Variants in OTUD7A observed in about 807,000 individuals in gnomAD.
The protein encoded by OTUD7A is OTU deubiquitinase 7A, also known as OTU domain-containing protein 7A.
In OTUD7A, 12 loss-of-function variants were observed where a neutral mutation model predicts 65.7. The ratio of observed to expected loss-of-function variants is 0.18; its 90% CI spans 0.12 to 0.30. OTUD7A has a LOEUF of 0.30. OTUD7A is among the 10% of genes least tolerant of loss of function. The pLI is 1.00. For synonymous variants in OTUD7A, 641 were observed against 586.3 expected, an observed-to-expected ratio of 1.09 and a Z score of -1.35; for missense variants, 1,148 against 1,304.8, an observed-to-expected ratio of 0.88 and a Z score of 1.85.
intron 1 of OTUD7A, among the ~76,000 whole-genome samples, chr15:31,668,821 A>T (rs1353943268): frequency 4.6e-5 from 7 of 152,096 alleles, no homozygotes; most frequent in Admixed American, 6.5e-5. Context: ...TGTTGTTCAG[A>T]TTCTTTTGTC....
At chr15:31,778,306 G>T (rs1895442973) in intron 1 of OTUD7A, among the ~76,000 whole-genome samples, 1 of 152,152 alleles carries the variant, frequency 6.6e-6, no homozygotes, top group Admixed American at 6.5e-5. Context: ...AAACCATGGA[G>T]AGAGACAACA....
intron 6 of OTUD7A, 93 bp downstream of exon 6, chr15:31,530,614 C>A: frequency 3.3e-6 from 4 of 1,196,162 alleles, no homozygotes; most frequent in Non-Finnish European, 4.7e-6. Flanking sequence ...TTAGTGTATG[C>A]TTTTCCTTCA....
intron 5 of OTUD7A, among the ~76,000 whole-genome samples, chr15:31,535,553 C>T (rs1284599260): frequency 6.6e-6 from 1 of 151,956 alleles, no homozygotes; most frequent in Non-Finnish European, 1.5e-5. Flanking sequence ...GAAATGAAAA[C>T]ATAAGACTCA....
intron 1 of OTUD7A, among the ~76,000 whole-genome samples, chr15:31,699,870 G>A (rs1893173988): frequency 6.6e-6 from 1 of 152,044 alleles, no homozygotes; most frequent in Admixed American, 6.6e-5. Context: ...TGCGCTGTTA[G>A]TGGAAGTGAC....
chr15:31,476,449 CT>C lies in OTUD7A; in HGVS notation c.*6844del. On this transcript the variant is annotated 3_prime_UTR_variant, in exon 13 of 13. Coordinates refer to ENST00000307050, the MANE Select transcript of OTUD7A (RefSeq NM_001382637.1). Reference sequence around the variant, plus strand: ...GGACAGCCCATAGGGCCTGGGAGACCTTCACGGACACCTGCCATGGAGAAAG... The same window carrying C: ...GGACAGCCCATAGGGCCTGGGAGACCTCACGGACACCTGCCATGGAGAAAG... The C allele has an allele frequency of 6.6e-6, 1 of 152,444 alleles. No individual in the cohort carries two copies. The highest frequency in any genetic ancestry group is 1.5e-5 in the Non-Finnish European group (1 of 68,130). 9.4% of individuals were successfully genotyped at this position (152,444 alleles called of 1,614,324 possible). A position where few individuals can be genotyped will look rare whatever the true frequency, so the allele number is the denominator to read the frequency against.
chr15:31,766,564 G>C, intron 1 of OTUD7A: 1 of 1,613,080 alleles, frequency 6.2e-7, no homozygotes, highest in Non-Finnish European at 8.5e-7. Context: ...GTGCTGCCTT[G>C]TCCAACATTT....
At chr15:31,614,566 C>G (rs996250626) in intron 3 of OTUD7A, among the ~76,000 whole-genome samples, 1 of 152,036 alleles carries the variant, frequency 6.6e-6, no homozygotes, top group African/African-American at 2.4e-5. Flanking sequence ...TAAGTAAATA[C>G]ATACATAAAT....
chr15:31,711,096 G>A (rs1473195079), intron 1 of OTUD7A, among the ~76,000 whole-genome samples: 1 of 149,778 alleles, frequency 6.7e-6, no homozygotes, highest in African/African-American at 2.4e-5. Context: ...CCCTTTCTAT[G>A]GTGAATAGCA....
At position 31,537,501 on chromosome 15, in the gene OTUD7A, T is replaced by C. The variant is rs542740294; in HGVS notation, c.551-6693A>G. Among the ~76,000 whole-genome samples the C allele has an allele frequency of 3.9e-5, 6 of 152,244 alleles. No homozygotes were observed. In the South Asian group the frequency reaches 1.2e-3, roughly 32 times the overall value. The stretch of plus-strand genomic sequence containing the variant: ...AAATGAGAAATGCAAGTAAGGGCTT[T>C]AACTGACACTACCACTGGATGGACC... On this transcript the variant is annotated intron_variant, in intron 5 of 12. Transcript: ENST00000307050.
chr15:31,483,868 C>A lies in OTUD7A; in HGVS notation c.2228G>T (p.Arg743Leu). The A allele has an allele frequency of 1.0e-6, 1 of 987,328 alleles. No individual in the cohort carries two copies. Among genetic ancestry groups the A allele is most frequent in the South Asian group, 4.5e-5 (1 of 22,110 alleles). The allele number at this position is 987,328 out of a possible 1,614,324, so 61.2% of individuals were successfully genotyped here. ...GGAGGCCGTGCCGCCCGCCGCCGCC[C>A]GCGCCGCACGCCCTGCCGCGGGCCC... ...SPGPAAGRAA[R>L]AAAGGTASPG... Residue 743 changes from arginine to leucine, a missense_variant, in exon 13 of 13, where the codon CGG (arginine) becomes CTG (leucine). Coordinates refer to ENST00000307050, the MANE Select transcript of OTUD7A (RefSeq NM_001382637.1).
At chr15:31,751,300 C>A (rs1357485103) in intron 1 of OTUD7A, among the ~76,000 whole-genome samples, 2 of 152,042 alleles carry the variant, frequency 1.3e-5, no homozygotes, top group Non-Finnish European at 2.9e-5. Context: ...GAGTGGCCAA[C>A]AAACATATGA....
At chr15:31,609,370 C>T (rs943174499) in intron 3 of OTUD7A, among the ~76,000 whole-genome samples, 1 of 152,138 alleles carries the variant, frequency 6.6e-6, no homozygotes, top group African/African-American at 2.4e-5. Context: ...AACTTGGTGC[C>T]GTTAGCAGGC....
intron 1 of OTUD7A, among the ~76,000 whole-genome samples, chr15:31,828,058 T>C (rs79368501): frequency 0.052 from 7,955 of 152,292 alleles, 430 homozygotes; most frequent in East Asian, 0.32. Flanking sequence ...GGTTAATCTC[T>C]GTGATGGCAT....
intron 5 of OTUD7A, among the ~76,000 whole-genome samples, chr15:31,535,033 T>A (rs1273246824): frequency 6.6e-6 from 1 of 152,222 alleles, no homozygotes; most frequent in Admixed American, 6.5e-5. Context: ...ATGGAGCAAC[T>A]GGAGTTTTCA....
At chr15:31,847,637 A>C (rs947614109) in intron 1 of OTUD7A, among the ~76,000 whole-genome samples, 3 of 152,180 alleles carry the variant, frequency 2.0e-5, no homozygotes, top group Non-Finnish European at 4.4e-5. Flanking sequence ...GTGACCATGA[A>C]AATCACTATT....
chr15:31,615,635 C>T (rs1277518691), intron 3 of OTUD7A, among the ~76,000 whole-genome samples: 1 of 152,200 alleles, frequency 6.6e-6, no homozygotes, highest in Non-Finnish European at 1.5e-5. Context: ...ATCACAAAAT[C>T]CACTTTTTGT....
At chr15:31,542,498 A>C (rs1245089821) in intron 5 of OTUD7A, among the ~76,000 whole-genome samples, 1 of 152,062 alleles carries the variant, frequency 6.6e-6, no homozygotes, top group African/African-American at 2.4e-5. Flanking sequence ...AAAAGATGCA[A>C]GAGAGTTTAT....
At chr15:31,507,833 C>G (rs1267516243) in intron 8 of OTUD7A, among the ~76,000 whole-genome samples, 1 of 152,156 alleles carries the variant, frequency 6.6e-6, no homozygotes, top group African/African-American at 2.4e-5. Flanking sequence ...ATTTTACAAT[C>G]CTCTTGTAAG....
intron 10 of OTUD7A, among the ~76,000 whole-genome samples, chr15:31,496,306 C>T (rs2041383400): frequency 6.6e-6 from 1 of 151,700 alleles, no homozygotes; most frequent in African/African-American, 2.4e-5. Flanking sequence ...ACTGCAAGCT[C>T]TGCCTCCCTG....
Sources: gnomAD v4.1 joint callset for allele counts (sites outside exome capture counted in the v4.1 genomes callset) on GRCh38, gnomAD v4.1.1 for gene constraint, MANE v1.5 for transcripts, NCBI Gene and HGNC (gene_info 2026-07-23, HGNC 2026-07-21) for gene names.